Variants in SUCLG2 observed in about 807,000 individuals in gnomAD.
SUCLG2 encodes succinate-CoA ligase GDP-forming subunit beta.
In SUCLG2, 42 loss-of-function variants were observed where a neutral mutation model predicts 47.9. The ratio of observed to expected loss-of-function variants is 0.88; its 90% CI spans 0.69 to 1.14. The LOEUF (loss-of-function observed/expected upper bound fraction) is 1.14, where lower values mean the gene tolerates loss of function less well. SUCLG2 is among the 50% of genes most tolerant of loss of function. The pLI, the probability that SUCLG2 is intolerant of heterozygous loss-of-function variation, is 0.00. For missense variants in SUCLG2, 571 were observed against 525.9 expected, an observed-to-expected ratio of 1.09 and a Z score of -0.84; for synonymous variants, 195 against 197.3, an observed-to-expected ratio of 0.99 and a Z score of 0.10.
intron 1 of SUCLG2, among the ~76,000 whole-genome samples, chr3:67,648,535 G>A (rs142422804): frequency 1.3e-5 from 2 of 152,268 alleles, no homozygotes; most frequent in African/African-American, 2.4e-5. Context: ...TGACTCCCTG[G>A]CACTGTGATT....
At chr3:67,498,094 A>G (rs767464648) in intron 8 of SUCLG2, 40 bp downstream of exon 8, 1 of 1,563,520 alleles carries the variant, frequency 6.4e-7, no homozygotes, top group Non-Finnish European at 8.7e-7. Context: ...AAATTCTATA[A>G]GAATCCACAA....
intron 9 of SUCLG2, among the ~76,000 whole-genome samples, chr3:67,446,929 G>C (rs555697451): frequency 1.3e-3 from 197 of 152,138 alleles, no homozygotes; most frequent in African/African-American, 4.5e-3. Context: ...TCCTTAATAA[G>C]ATGCAAATTT....
chr3:67,639,912 T>C (rs1182247144), intron 1 of SUCLG2, among the ~76,000 whole-genome samples: 1 of 152,234 alleles, frequency 6.6e-6, no homozygotes, highest in African/African-American at 2.4e-5. Context: ...CAATTCTTGC[T>C]ACATCTAGAG....
At chr3:67,419,044 G>C (rs1024591151) in intron 9 of SUCLG2, among the ~76,000 whole-genome samples, 5 of 151,886 alleles carry the variant, frequency 3.3e-5, no homozygotes, top group African/African-American at 9.7e-5. Context: ...TGACACTTAA[G>C]AGTACTTCCA....
chr3:67,397,113 A>C (rs189308302), intron 10 of SUCLG2, among the ~76,000 whole-genome samples: 13,236 of 151,440 alleles, frequency 0.087, 658 homozygotes, highest in East Asian at 0.15. Flanking sequence ...AAACTGGCAC[A>C]AGACAGGGAT....
intron 10 of SUCLG2, among the ~76,000 whole-genome samples, chr3:67,380,781 GA>G (rs1237894891): frequency 6.6e-6 from 1 of 151,794 alleles, no homozygotes; most frequent in African/African-American, 2.4e-5. Flanking sequence ...ACAGACATAA[GA>G]AAAAAGACAG....
intron 2 of SUCLG2, among the ~76,000 whole-genome samples, chr3:67,560,107 G>A (rs929733166): frequency 9.2e-5 from 14 of 152,184 alleles, no homozygotes; most frequent in African/African-American, 3.1e-4. Context: ...CATGTTAGGA[G>A]TTGAACTGTG....
intron 10 of SUCLG2, among the ~76,000 whole-genome samples, chr3:67,392,691 G>C (rs899893945): frequency 1.3e-5 from 2 of 152,110 alleles, no homozygotes; most frequent in African/African-American, 4.8e-5. Context: ...AATAGTGGCA[G>C]TAATAATAAC....
chr3:67,469,863 T>C (rs989169993), intron 9 of SUCLG2, among the ~76,000 whole-genome samples: 2 of 151,822 alleles, frequency 1.3e-5, no homozygotes, highest in Non-Finnish European at 2.9e-5. Context: ...CTGACCAACA[T>C]GGTGAAACCC....
intron 1 of SUCLG2, among the ~76,000 whole-genome samples, chr3:67,629,360 G>A (rs550887989): frequency 1.6e-4 from 24 of 152,328 alleles, no homozygotes; most frequent in African/African-American, 5.8e-4. Flanking sequence ...TGCACACACA[G>A]GGGTTCCCAC....
rs1706570878 is a variant in SUCLG2, at chr3:67,537,274, G to A, written c.227-8088C>T. ...GTGATGTTCCCCTCCCTGTGTCCAT[G>A]TGTTCTCATTGCTCAACTCCCACTT... On this transcript the variant is annotated intron_variant, in intron 2 of 10. Coordinates refer to ENST00000307227, the MANE Select transcript of SUCLG2 (RefSeq NM_003848.4). 2.0e-5 allele frequency among the ~76,000 whole-genome samples: 3 copies of A among 152,068 alleles called. No homozygotes were observed. In the South Asian group the frequency reaches 6.2e-4, roughly 32 times the overall value.
At chr3:67,373,393 A>T (rs7620108), downstream of SUCLG2, among the ~76,000 whole-genome samples, 2 of 152,006 alleles carry the variant, frequency 1.3e-5, no homozygotes, top group South Asian at 4.1e-4. Context: ...TCATAAAAGG[A>T]TTAATAACAA....
At chr3:67,435,477 T>C (rs1041457183) in intron 9 of SUCLG2, among the ~76,000 whole-genome samples, 20 of 152,194 alleles carry the variant, frequency 1.3e-4, no homozygotes, top group Non-Finnish European at 2.5e-4. Context: ...CCTTTATTTA[T>C]AGACATCGTT....
chr3:67,537,263 CCT>C (rs1553656780), intron 2 of SUCLG2, among the ~76,000 whole-genome samples: 20 of 152,202 alleles, frequency 1.3e-4, no homozygotes, highest in African/African-American at 4.8e-4. Context: ...TGTTCCCCTC[CCT>C]GTGTCCATGT....
chr3:67,371,982 C>T (rs1157318939), downstream of SUCLG2, among the ~76,000 whole-genome samples: 2 of 152,140 alleles, frequency 1.3e-5, no homozygotes, highest in African/African-American at 4.8e-5. Flanking sequence ...ACACAGAAAG[C>T]ACTTAATCAA....
chr3:67,624,676 G>C (rs1166761393), intron 1 of SUCLG2, among the ~76,000 whole-genome samples: 1 of 152,140 alleles, frequency 6.6e-6, no homozygotes, highest in Non-Finnish European at 1.5e-5. Flanking sequence ...GCCAGGGAGG[G>C]GGAGAGGGTA....
chr3:67,483,245 A>C (rs1430811932), intron 9 of SUCLG2, among the ~76,000 whole-genome samples: 1 of 152,228 alleles, frequency 6.6e-6, no homozygotes, highest in African/African-American at 2.4e-5. Context: ...TTAAAAAAAA[A>C]AAATCTGTAA....
chr3:67,629,711 C>T (rs944367098), intron 1 of SUCLG2, among the ~76,000 whole-genome samples: 11 of 152,120 alleles, frequency 7.2e-5, no homozygotes, highest in Admixed American at 5.9e-4. Flanking sequence ...GCATGGCTAA[C>T]CCCTCCCTTA....
At chr3:67,453,942 G>A (rs1276856542) in intron 9 of SUCLG2, among the ~76,000 whole-genome samples, 3 of 152,142 alleles carry the variant, frequency 2.0e-5, no homozygotes, top group Admixed American at 1.3e-4. Flanking sequence ...TGTCGTTGTC[G>A]TGCATTTTGT....
Sources: allele counts gnomAD v4.1 joint callset (sites outside exome capture counted in the v4.1 genomes callset), GRCh38; gene constraint gnomAD v4.1.1; transcripts MANE v1.5; gene names NCBI Gene and HGNC (gene_info 2026-07-23, HGNC 2026-07-21).